The following RNF13 variants were observed in gnomAD, a reference collection of about 807,000 sequenced individuals.
RNF13 encodes the protein E3 ubiquitin-protein ligase RNF13.
In RNF13, 19 loss-of-function variants were observed where a neutral mutation model predicts 37.7. The ratio of observed to expected loss-of-function variants is 0.50; its 90% CI spans 0.35 to 0.74. The LOEUF (loss-of-function observed/expected upper bound fraction) is 0.74, where lower values mean the gene tolerates loss of function less well. RNF13 is among the 30% of genes least tolerant of loss of function. The pLI, the probability that RNF13 is intolerant of heterozygous loss-of-function variation, is 0.01. For missense variants in RNF13, 375 were observed against 453.0 expected (o/e 0.83, Z 1.56); for synonymous variants, 144 against 157.8 (o/e 0.91, Z 0.65).
intron 3 of RNF13, among the ~76,000 whole-genome samples, chr3:149,858,001 G>A (rs1021322771): frequency 1.3e-5 from 2 of 152,174 alleles, no homozygotes; most frequent in Admixed American, 1.3e-4. Context: ...TCTCTGGCTA[G>A]ATGGAATTAG....
chr3:149,945,856 CCTGA>C (rs1720725126), intron 8 of RNF13, among the ~76,000 whole-genome samples: 2 of 152,192 alleles, frequency 1.3e-5, no homozygotes. Flanking sequence ...AGCTGAGGGT[CCTGA>C]CTGTTAGAAG....
At chr3:149,880,316 A>T (rs935640203) in intron 4 of RNF13, among the ~76,000 whole-genome samples, 2 of 152,130 alleles carry the variant, frequency 1.3e-5, no homozygotes, top group African/African-American at 4.8e-5. Flanking sequence ...TGGAATATGA[A>T]TCCTATCAGT....
intron 6 of RNF13, among the ~76,000 whole-genome samples, chr3:149,902,977 A>G (rs1365753703): frequency 6.6e-6 from 1 of 152,106 alleles, no homozygotes; most frequent in African/African-American, 2.4e-5. Context: ...TATTATCTAC[A>G]TTTGCCAGAA....
At chr3:149,927,351 G>C (rs559365571) in intron 8 of RNF13, among the ~76,000 whole-genome samples, 2 of 152,326 alleles carry the variant, frequency 1.3e-5, no homozygotes, top group African/African-American at 4.8e-5. Flanking sequence ...ATAGTCTGTT[G>C]TGTATTTTTA....
chr3:149,835,505 G>A (rs1054626595), intron 1 of RNF13, among the ~76,000 whole-genome samples: 15 of 151,866 alleles, frequency 9.9e-5, no homozygotes, highest in African/African-American at 1.9e-4. Context: ...TCCCACTAAC[G>A]AGTGAGAACA....
At chr3:149,900,667 A>G (rs1397360775) in intron 5 of RNF13, among the ~76,000 whole-genome samples, 1 of 152,236 alleles carries the variant, frequency 6.6e-6, no homozygotes, top group Non-Finnish European at 1.5e-5. Flanking sequence ...ATCATTGTGT[A>G]GAAAAAAAGC....
At chr3:149,833,979 C>T (rs993592927) in intron 1 of RNF13, among the ~76,000 whole-genome samples, 10 of 151,854 alleles carry the variant, frequency 6.6e-5, no homozygotes, top group African/African-American at 1.7e-4. Context: ...AAAGTAACAG[C>T]GAACTATCCA....
At chr3:149,834,501 C>T (rs540304299) in intron 1 of RNF13, among the ~76,000 whole-genome samples, 2 of 152,238 alleles carry the variant, frequency 1.3e-5, no homozygotes, top group Admixed American at 6.5e-5. Flanking sequence ...TTTGTCTGGC[C>T]CCACCAAGTC....
chr3:149,894,967 G>C (rs1031496927), intron 4 of RNF13, among the ~76,000 whole-genome samples: 1 of 152,112 alleles, frequency 6.6e-6, no homozygotes, highest in African/African-American at 2.4e-5. Context: ...CTTTAGGAAA[G>C]ATCAAATAGC....
chr3:149,920,790 C>CT (rs34551883), intron 7 of RNF13, among the ~76,000 whole-genome samples: 59,131 of 123,962 alleles, frequency 0.48, 14,441 homozygotes, highest in East Asian at 0.86. Context: ...CCTTCCCATT[C>CT]TTTTTTTTTT....
intron 8 of RNF13, among the ~76,000 whole-genome samples, chr3:149,953,164 A>G (rs1014770664): frequency 2.6e-5 from 4 of 152,118 alleles, no homozygotes; most frequent in African/African-American, 4.8e-5. Flanking sequence ...GCCAAAGTGG[A>G]TATCAATTCC....
At chr3:149,904,117 T>TA (rs1716151290) in intron 6 of RNF13, among the ~76,000 whole-genome samples, 1 of 152,188 alleles carries the variant, frequency 6.6e-6, no homozygotes, top group African/African-American at 2.4e-5. Flanking sequence ...CTTTTAAAGA[T>TA]ACAATAAATC....
At chr3:149,892,646 G>A (rs934432985) in intron 4 of RNF13, among the ~76,000 whole-genome samples, 6 of 152,144 alleles carry the variant, frequency 3.9e-5, no homozygotes, top group Admixed American at 1.3e-4. Context: ...TTAGATTCTC[G>A]TAGGAGCGTG....
intron 1 of RNF13, among the ~76,000 whole-genome samples, chr3:149,822,975 A>C (rs998092217): frequency 6.6e-6 from 1 of 152,122 alleles, no homozygotes; most frequent in African/African-American, 2.4e-5. Flanking sequence ...AAATTTCATT[A>C]TGAATAGAAA....
intron 7 of RNF13, among the ~76,000 whole-genome samples, chr3:149,918,829 CTATCCCT>C (rs1196263252): frequency 6.6e-6 from 1 of 151,894 alleles, no homozygotes; most frequent in African/African-American, 2.4e-5. Flanking sequence ...GCACCTGGTC[CTATCCCT>C]TTATTTTTTA....
intron 3 of RNF13, among the ~76,000 whole-genome samples, chr3:149,859,000 T>G (rs756932874): frequency 4.6e-5 from 7 of 152,224 alleles, no homozygotes; most frequent in Non-Finnish European, 7.3e-5. Context: ...GATGTTTTAT[T>G]TGTGTTACGT....
intron 3 of RNF13, among the ~76,000 whole-genome samples, chr3:149,860,787 C>T (rs1300686981): frequency 6.6e-6 from 1 of 152,090 alleles, no homozygotes; most frequent in Non-Finnish European, 1.5e-5. Flanking sequence ...AACTAAAAAG[C>T]TTTTGCACAG....
rs1217732687 is a variant in RNF13, at chr3:149,961,071, T to C, written c.1113T>C (p.Gly371=). Residue 371 remains glycine, a synonymous_variant, in exon 10 of 10, where the codon GGT becomes GGC. Transcript: ENST00000392894. ...TCGTGGTCCAGTTGCAGCCTAATGG[T>C]GAACGGGATTACAACATAGCAAATA... The part of the protein sequence containing the change: ...HDVVVQLQPN[G]ERDYNIANTV 1.2e-6 allele frequency: 2 copies of C among 1,612,848 alleles called. No individual in the cohort carries two copies. The highest frequency in any genetic ancestry group is 1.3e-5 in the African/African-American group (1 of 75,002).
At chr3:149,918,504 C>A (rs1717778939) in intron 7 of RNF13, among the ~76,000 whole-genome samples, 1 of 152,034 alleles carries the variant, frequency 6.6e-6, no homozygotes, top group Non-Finnish European at 1.5e-5. Context: ...TTAATATTTT[C>A]ATGGTAGATC....
Sources: gnomAD v4.1 joint callset for allele counts (sites outside exome capture counted in the v4.1 genomes callset) on GRCh38, gnomAD v4.1.1 for gene constraint, MANE v1.5 for transcripts, NCBI Gene and HGNC (gene_info 2026-07-23, HGNC 2026-07-21) for gene names.